GPM6A: variants seen among roughly 807,000 people sequenced by gnomAD.
The protein encoded by GPM6A is glycoprotein M6A, also known as neuronal membrane glycoprotein M6-a.
GPM6A carries 7 observed loss-of-function variants against 32.1 expected under a neutral mutation model. The ratio of observed to expected loss-of-function variants is 0.22; its 90% CI spans 0.12 to 0.41. The LOEUF is 0.41. Among genes scored for constraint, GPM6A ranks in the 10% least tolerant of loss-of-function variants. The probability of loss-of-function intolerance (pLI) is 1.00; values close to 1 mark genes in which losing one functional copy is unlikely to be tolerated. For missense variants in GPM6A, 235 were observed against 347.2 expected (o/e 0.68, Z 2.57); for synonymous variants, 130 against 123.4 (o/e 1.05, Z -0.35).
chr4:175,835,451 C>T (rs1330755343), intron 1 of GPM6A, among the ~76,000 whole-genome samples: 1 of 151,722 alleles, frequency 6.6e-6, no homozygotes, highest in Non-Finnish European at 1.5e-5. Context: ...TTACTGTATA[C>T]CTAGTGAACC....
intron 1 of GPM6A, among the ~76,000 whole-genome samples, chr4:175,951,755 G>A (rs1487971069): frequency 6.6e-6 from 1 of 152,178 alleles, no homozygotes; most frequent in Non-Finnish European, 1.5e-5. Flanking sequence ...GTAGTTAATG[G>A]TATTGGTTAA....
intron 1 of GPM6A, among the ~76,000 whole-genome samples, chr4:175,774,447 C>T (rs772847993): frequency 3.9e-5 from 6 of 151,974 alleles, no homozygotes; most frequent in South Asian, 2.1e-4. Flanking sequence ...TTAATACTAA[C>T]GTTGAAGTAT....
chr4:176,000,830 T>TA (rs374591972), intron 1 of GPM6A, among the ~76,000 whole-genome samples: 20 of 151,722 alleles, frequency 1.3e-4, no homozygotes, highest in African/African-American at 1.9e-4. Flanking sequence ...AACAACCAAA[T>TA]AAAAAAAAGA....
chr4:175,647,265 C>T (rs958975296), intron 4 of GPM6A, among the ~76,000 whole-genome samples: 4 of 152,104 alleles, frequency 2.6e-5, no homozygotes, highest in Non-Finnish European at 5.9e-5. Context: ...AGTTTTAAAC[C>T]TTACATCTAG....
chr4:175,856,442 C>T (rs375522476), intron 1 of GPM6A, among the ~76,000 whole-genome samples: 25 of 152,188 alleles, frequency 1.6e-4, no homozygotes, highest in Admixed American at 1.0e-3. Flanking sequence ...CATACCAGCG[C>T]GCAGCAGCAT....
chr4:175,839,254 T>C (rs961626854), intron 1 of GPM6A, among the ~76,000 whole-genome samples: 2 of 152,060 alleles, frequency 1.3e-5, no homozygotes, highest in Admixed American at 6.6e-5. Flanking sequence ...ATAAATAGAA[T>C]CAAACAAGTG....
At chr4:175,885,062 C>T (rs1246043727) in intron 1 of GPM6A, among the ~76,000 whole-genome samples, 1 of 152,116 alleles carries the variant, frequency 6.6e-6, no homozygotes, top group Non-Finnish European at 1.5e-5. Flanking sequence ...TCAGAATGTA[C>T]ATATGTATGT....
At chr4:176,002,129 T>C (rs1248163858) in intron 1 of GPM6A, among the ~76,000 whole-genome samples, 1 of 140,800 alleles carries the variant, frequency 7.1e-6, no homozygotes. Context: ...CGCCATCGCC[T>C]CTCTCCCAGA....
chr4:175,800,163 T>C (rs540319751), intron 1 of GPM6A, among the ~76,000 whole-genome samples: 74 of 152,280 alleles, frequency 4.9e-4, no homozygotes, highest in African/African-American at 1.7e-3. Context: ...TAATTTGTGG[T>C]TGAGGGCTTA....
intron 1 of GPM6A, among the ~76,000 whole-genome samples, chr4:175,882,520 T>G (rs933411119): frequency 2.0e-5 from 3 of 152,072 alleles, no homozygotes; most frequent in African/African-American, 7.2e-5. Context: ...AGAAAATTTC[T>G]ATATGGACCT....
At chr4:175,767,438 T>C (rs542794973) in intron 1 of GPM6A, among the ~76,000 whole-genome samples, 2 of 152,288 alleles carry the variant, frequency 1.3e-5, no homozygotes, top group South Asian at 4.1e-4. Context: ...TTTGCCAAAT[T>C]CAGAAACCCC....
intron 1 of GPM6A, among the ~76,000 whole-genome samples, chr4:175,790,966 G>T (rs773300463): frequency 6.6e-6 from 1 of 152,046 alleles, no homozygotes; most frequent in Non-Finnish European, 1.5e-5. Flanking sequence ...ATTAAAGTTT[G>T]CTTTAATGGG....
intron 1 of GPM6A, among the ~76,000 whole-genome samples, chr4:175,817,273 C>G (rs1460711847): frequency 6.6e-6 from 1 of 152,220 alleles, no homozygotes; most frequent in Admixed American, 6.5e-5. Flanking sequence ...AGTCAATTCA[C>G]AGAATGATCG....
At chr4:175,732,870 A>G (rs767041479) in intron 1 of GPM6A, among the ~76,000 whole-genome samples, 22 of 152,170 alleles carry the variant, frequency 1.4e-4, no homozygotes, top group Non-Finnish European at 3.1e-4. Flanking sequence ...TATTAAGCCA[A>G]TTATTAGGCA....
chr4:175,821,118 G>A (rs182529953), intron 1 of GPM6A, among the ~76,000 whole-genome samples: 1 of 152,214 alleles, frequency 6.6e-6, no homozygotes, highest in East Asian at 1.9e-4. Context: ...AGAACTATCT[G>A]AGAATCCTAC....
intron 1 of GPM6A, among the ~76,000 whole-genome samples, chr4:175,950,000 C>A (rs1052894684): frequency 1.3e-5 from 2 of 152,012 alleles, no homozygotes; most frequent in Non-Finnish European, 2.9e-5. Flanking sequence ...TGTATAAACA[C>A]CAATGGATCA....
At chr4:175,874,123 C>T (rs1490839005) in intron 1 of GPM6A, among the ~76,000 whole-genome samples, 3 of 152,112 alleles carry the variant, frequency 2.0e-5, no homozygotes, top group African/African-American at 4.8e-5. Flanking sequence ...CAGGGAAACA[C>T]GGAGCACCAT....
intron 3 of GPM6A, among the ~76,000 whole-genome samples, chr4:175,658,974 C>CGG (rs1313607673): frequency 1.3e-5 from 2 of 151,056 alleles, no homozygotes; most frequent in Non-Finnish European, 3.0e-5. Flanking sequence ...GATAAAGCTA[C>CGG]AGAGAATCTT....
chr4:175,668,617 T>C (rs1742884749), intron 3 of GPM6A, among the ~76,000 whole-genome samples: 1 of 151,506 alleles, frequency 6.6e-6, no homozygotes, highest in Non-Finnish European at 1.5e-5. Context: ...AAATTCATCT[T>C]AGGCCTCCTT....
Sources: allele counts gnomAD v4.1 joint callset (sites outside exome capture counted in the v4.1 genomes callset), GRCh38; gene constraint gnomAD v4.1.1; transcripts MANE v1.5; gene names NCBI Gene and HGNC (gene_info 2026-07-23, HGNC 2026-07-21).